AKAP1: variants seen among roughly 807,000 people sequenced by gnomAD.
The protein encoded by AKAP1 is A-kinase anchoring protein 1, also known as A-kinase anchor protein 1, mitochondrial.
In AKAP1, 32 loss-of-function variants were observed where a neutral mutation model predicts 79.8. The observed-to-expected ratio is 0.40, with a 90% CI of 0.30 to 0.54. AKAP1 has a LOEUF of 0.54. Ranked by LOEUF, AKAP1 falls within the 20% of genes least tolerant of loss-of-function variation. The pLI is 0.47. For missense variants in AKAP1, 961 were observed against 1,138.9 expected (o/e 0.84, Z 2.25); for synonymous variants, 416 against 466.7 (o/e 0.89, Z 1.40).
intron 1 of AKAP1, among the ~76,000 whole-genome samples, chr17:57,089,672 A>C (rs527389471): frequency 2.0e-5 from 3 of 152,226 alleles, no homozygotes; most frequent in African/African-American, 7.2e-5. Context: ...AAAGCATAAC[A>C]TGTTTGAGCT....
At chr17:57,090,838 C>G (rs1380978040) in intron 1 of AKAP1, among the ~76,000 whole-genome samples, 2 of 152,228 alleles carry the variant, frequency 1.3e-5, no homozygotes, top group Admixed American at 6.5e-5. Flanking sequence ...GGAAACTGCT[C>G]TGAAGACTGA....
rs755069180 is a variant in AKAP1 at position 57,105,611 on chromosome 17, G to T, written c.147G>T (p.Arg49Ser). ...TGGAGGCTGGTGCTGTGCAGCTGAG[G>T]GCTGACCCTGCCATCAAGGAACCTC... is the stretch of plus-strand genomic sequence containing the variant. ...QQVEAGAVQLRADPAIKEPLP... is the reference protein window; with the variant it reads ...QQVEAGAVQLSADPAIKEPLP... The change falls in exon 2 of 11, where the codon AGG (arginine) becomes AGT (serine). Residue 49 changes from arginine to serine, a missense_variant. Physicochemically the swap from Arg to Ser is moderately radical, Grantham distance 110. Transcript: ENST00000337714. The T allele has an allele frequency of 6.2e-7, 1 of 1,614,080 alleles. No homozygotes were observed. Among genetic ancestry groups the T allele is most frequent in the Non-Finnish European group, 8.5e-7 (1 of 1,180,024 alleles).
At chr17:57,091,060 G>T (rs1283884507) in intron 1 of AKAP1, among the ~76,000 whole-genome samples, 1 of 152,186 alleles carries the variant, frequency 6.6e-6, no homozygotes, top group Non-Finnish European at 1.5e-5. Flanking sequence ...GTGAGGTTGG[G>T]TCGATGACAG....
chr17:57,106,803 A>G lies in AKAP1; in HGVS notation c.1339A>G (p.Thr447Ala). ...CCTGAAGAGCCTTCTGTCCAGCCCC[A>G]CCAAGGACAGTAAGCCAAATATCTC... ...SCLKSLLSSP[T>A]KDSKPNISAH... The change falls in exon 2 of 11, where the codon ACC becomes GCC. Residue 447 changes from threonine (T) to alanine (A), a missense_variant. This residue lies in a region of AKAP1 where 629 missense variants were observed against 781.1 expected (regional missense o/e 0.81). Coordinates refer to ENST00000337714, the MANE Select transcript of AKAP1 (RefSeq NM_003488.4). 6.2e-7 allele frequency: 1 copy of G among 1,614,116 alleles called. No homozygotes were observed. Among genetic ancestry groups the G allele is most frequent in the South Asian group, 1.1e-5 (1 of 91,080 alleles).
Position 57,111,921 on chromosome 17 carries a change from GA to G in AKAP1, c.1974del (p.Gly659AlafsTer6), listed in dbSNP as rs1397803248. 1 of 1,613,158 alleles carries G rather than the reference GA, an allele frequency of 6.2e-7. No homozygotes were observed. The highest frequency in any genetic ancestry group is 8.5e-7 in the Non-Finnish European group (1 of 1,179,372). ...CCAGAGCGTCCAGATCTGCCACATAGAAGGTCAGTAACATCTGCTGCTTGTA... is the reference window on the plus strand; with the variant it reads ...CCAGAGCGTCCAGATCTGCCACATAGAGGTCAGTAACATCTGCTGCTTGTA... ...YTQSVQICHI[E>X]GSQHHVDKAL... On this transcript the variant is annotated frameshift_variant and splice_region_variant, in exon 4 of 11. Transcript: ENST00000337714. LOFTEE classifies it high-confidence loss of function.
At chr17:57,107,664 A>T (rs942267190) in intron 2 of AKAP1, among the ~76,000 whole-genome samples, 4 of 151,280 alleles carry the variant, frequency 2.6e-5, no homozygotes, top group African/African-American at 7.3e-5. Flanking sequence ...TTAAACACTA[A>T]CCTCTTTGTG....
At chr17:57,089,502 A>G (rs766393790) in intron 1 of AKAP1, among the ~76,000 whole-genome samples, 2 of 152,108 alleles carry the variant, frequency 1.3e-5, no homozygotes, top group African/African-American at 2.4e-5. Flanking sequence ...GCCACATTTC[A>G]GGTTCTCAGT....
At chr17:57,120,110 G>A in intron 10 of AKAP1, 140 bp from the exon 11 acceptor site, 1 of 678,830 alleles carries the variant, frequency 1.5e-6, no homozygotes, top group Non-Finnish European at 2.5e-6. Flanking sequence ...ACAGGCATGA[G>A]CCACTGCGTC....
chr17:57,114,709 A>G, intron 6 of AKAP1, 73 bp downstream of exon 6: 1 of 1,428,042 alleles, frequency 7.0e-7, no homozygotes, highest in African/African-American at 1.4e-5. Flanking sequence ...CCTGATCAGG[A>G]GGAGGCTGTT....
At chr17:57,118,732 G>A (rs1015198319) in intron 9 of AKAP1, among the ~76,000 whole-genome samples, 3 of 152,140 alleles carry the variant, frequency 2.0e-5, no homozygotes, top group African/African-American at 7.2e-5. Flanking sequence ...AAGGGAAGAG[G>A]CACGTCTTAC....
At chr17:57,116,021 G>A (rs1245245070) in intron 6 of AKAP1, 90 bp from the exon 7 acceptor site, 5 of 1,478,394 alleles carry the variant, frequency 3.4e-6, no homozygotes, top group African/African-American at 2.8e-5. Flanking sequence ...GCCTCTGAGA[G>A]GTAACGCAGG....
chr17:57,105,154 T>G (rs1053856952), intron 1 of AKAP1, among the ~76,000 whole-genome samples: 1 of 152,156 alleles, frequency 6.6e-6, no homozygotes, highest in Non-Finnish European at 1.5e-5. Context: ...CATGAAGTGA[T>G]GAAGGGAGGG....
In AKAP1 at chr17:57,118,985, A is replaced by G; in HGVS notation, c.2578A>G (p.Thr860Ala). Residue 860 changes from threonine to alanine, a missense_variant, in exon 10 of 11, where the codon ACA (threonine) becomes GCA (alanine). Coordinates refer to ENST00000337714, the MANE Select transcript of AKAP1 (RefSeq NM_003488.4). Reference sequence around the variant, plus strand: ...TCTTTCCACCCCCCTTCTTCAGGTGACAAGTTACAGTCCAACTGGTCTTCC... The same window carrying G: ...TCTTTCCACCCCCCTTCTTCAGGTGGCAAGTTACAGTCCAACTGGTCTTCC... The part of the protein sequence containing the change: ...TGNTALLAQV[T>A]SYSPTGLPLI... 1 of 1,613,470 alleles carries G rather than the reference A, an allele frequency of 6.2e-7. No homozygotes were observed. The highest frequency in any genetic ancestry group is 8.5e-7 in the Non-Finnish European group (1 of 1,179,414).
In AKAP1 at chr17:57,116,959, G is replaced by C. The variant is rs370284176; in HGVS notation, c.2500+32G>C. On this transcript the variant is annotated intron_variant, in intron 8 of 10. Transcript: ENST00000337714. The stretch of plus-strand genomic sequence containing the variant: ...GCTGAGGCCTTTGGCTTGGGGGATT[G>C]TTGGGGACAGTTGTTGAGAGTAGGT... 5.0e-6 allele frequency: 8 copies of C among 1,596,448 alleles called. No homozygotes were observed. In the African/African-American group the frequency reaches 8.0e-5, roughly 16 times the overall value.
intron 1 of AKAP1, among the ~76,000 whole-genome samples, chr17:57,090,630 T>C (rs887464519): frequency 6.6e-6 from 1 of 152,240 alleles, no homozygotes; most frequent in African/African-American, 2.4e-5. Flanking sequence ...GTGTTCAGCC[T>C]CGTTACAACT....
intron 1 of AKAP1, among the ~76,000 whole-genome samples, chr17:57,098,252 TAAG>T (rs1217921931): frequency 1.3e-5 from 2 of 152,196 alleles, no homozygotes; most frequent in African/African-American, 4.8e-5. Context: ...CTGCTAAAAA[TAAG>T]CAGGCAGCTA....
intron 1 of AKAP1, chr17:57,095,993 C>T (rs1343130488): frequency 6.6e-6 from 1 of 152,132 alleles, no homozygotes; most frequent in Non-Finnish European, 1.5e-5. Flanking sequence ...GTTTTAAAAT[C>T]CACACCCCTA....
intron 1 of AKAP1, chr17:57,092,554 G>A (rs1364752194): frequency 6.6e-6 from 1 of 152,276 alleles, no homozygotes; most frequent in African/African-American, 2.4e-5. Flanking sequence ...AATGTGTGGT[G>A]TGGCCACAGG....
intron 1 of AKAP1, among the ~76,000 whole-genome samples, chr17:57,091,405 C>A (rs989883899): frequency 1.7e-4 from 26 of 151,516 alleles, no homozygotes; most frequent in African/African-American, 6.4e-4. Flanking sequence ...GCCACCGCCT[C>A]GTCAGGAGAG....
Sources: allele counts gnomAD v4.1 joint callset (sites outside exome capture counted in the v4.1 genomes callset), GRCh38; gene constraint gnomAD v4.1.1; regional missense constraint gnomAD v4.1.1; transcripts MANE v1.5; gene names NCBI Gene and HGNC (gene_info 2026-07-23, HGNC 2026-07-21).